CFAP157: variants seen among roughly 807,000 people sequenced by gnomAD.
CFAP157 encodes cilia- and flagella-associated protein 157.
CFAP157 carries 43 observed loss-of-function variants against 57.8 expected under a neutral mutation model. That is an observed-to-expected ratio of 0.74 (90% CI 0.58 to 0.96). The LOEUF is 0.96. Among genes scored for constraint, CFAP157 ranks in the 40% least tolerant of loss-of-function variants. CFAP157 has a pLI of 0.00. For missense variants in CFAP157, 606 were observed against 655.3 expected, an observed-to-expected ratio of 0.92 and a Z score of 0.82; for synonymous variants, 267 against 269.0, an observed-to-expected ratio of 0.99 and a Z score of 0.07.
intron 8 of CFAP157, chr9:127,713,468 A>C: frequency 2.7e-6 from 1 of 365,868 alleles, no homozygotes; most frequent in Non-Finnish European, 4.8e-6. Flanking sequence ...CCCCCTGAAG[A>C]GGCCTCAGCT....
Position 127,713,186 on chromosome 9 carries a change from C to T in CFAP157, c.1471C>T (p.Arg491Trp), listed in dbSNP as rs750433288. The change falls in exon 8 of 9, where the codon CGG becomes TGG. Residue 491 changes from arginine to tryptophan, a missense_variant. Physicochemically the swap from Arg to Trp is moderately radical, Grantham distance 101. Coordinates refer to ENST00000373295, the MANE Select transcript of CFAP157 (RefSeq NM_001012502.3). ...ATATATCACCCGTGTGGGGACCTTC[C>T]GGGCACACAGCAGCCCTGAGGTGAG... ...LSYITRVGTF[R>W]AHSSPEMRAP... 5.1e-6 allele frequency: 8 copies of T among 1,561,004 alleles called. No individual in the cohort carries two copies. The highest frequency in any genetic ancestry group is 2.7e-5 in the African/African-American group (2 of 73,376).
chr9:127,710,450 C>A (rs933893644), intron 2 of CFAP157, 151 bp from the exon 3 acceptor site: 35 of 847,662 alleles, frequency 4.1e-5, no homozygotes, highest in Non-Finnish European at 6.1e-5. Flanking sequence ...CAGGGCCAGG[C>A]AGGGTAGGTG....
At chr9:127,707,988 G>A (rs966015278) in intron 1 of CFAP157, among the ~76,000 whole-genome samples, 23 of 152,116 alleles carry the variant, frequency 1.5e-4, no homozygotes, top group African/African-American at 5.3e-4. Flanking sequence ...GAGAGGTCCT[G>A]ATGTCATCCC....
In CFAP157 at chr9:127,715,315, G is replaced by T; in HGVS notation, c.*1410G>T. On this transcript the variant is annotated 3_prime_UTR_variant, in exon 9 of 9. Transcript: ENST00000373295. This position sits in a 1 kb window ranked among gnomAD's most constrained non-coding sequence, Gnocchi z 5.8. ...AGAGCAACGCTGCAGTGGGGAAGGG[G>T]CGCGAAGAAGGGGCCCAGAAACCCG... is the stretch of plus-strand genomic sequence containing the variant. 2.3e-6 allele frequency: 3 copies of T among 1,311,844 alleles called. No individual in the cohort carries two copies. The highest frequency in any genetic ancestry group is 3.2e-6 in the Non-Finnish European group (3 of 942,236). 81.3% of individuals were successfully genotyped at this position (1,311,844 alleles called of 1,614,324 possible). A position where few individuals can be genotyped will look rare whatever the true frequency, so the allele number is the denominator to read the frequency against.
Position 127,709,476 on chromosome 9 carries a change from G to T in CFAP157, c.216G>T (p.Glu72Asp), listed in dbSNP as rs781705818. ...LAVQEKMFRQ[E>D]FEQLANNKKE... ...TGCAGGAGAAGATGTTCCGCCAGGA[G>T]TTTGAGCAGCTGGCCAATAACAAGA... The change falls in exon 2 of 9, where the codon GAG becomes GAT. Residue 72 changes from glutamate (E) to aspartate (D), a missense_variant. Coordinates refer to ENST00000373295, the MANE Select transcript of CFAP157 (RefSeq NM_001012502.3). The surrounding 1 kb of genome is among the most constrained non-coding windows in gnomAD (Gnocchi z 4.7). The T allele has an allele frequency of 1.2e-6, 2 of 1,614,064 alleles. No homozygotes were observed. Among genetic ancestry groups the T allele is most frequent in the Non-Finnish European group, 1.7e-6 (2 of 1,180,026 alleles).
rs1842960743 is a variant in CFAP157 at position 127,715,679 on chromosome 9, C to G, written c.*1774C>G. 1.3e-6 allele frequency: 2 copies of G among 1,594,376 alleles called. No individual in the cohort carries two copies. The highest frequency in any genetic ancestry group is 2.2e-5 in the South Asian group (2 of 89,546). Reference sequence around the variant, plus strand: ...CTCCGACACCGCCCCCTGACGTCATCACCCCGCAGCAGCCAATCGTGTTGC... The same window carrying G: ...CTCCGACACCGCCCCCTGACGTCATGACCCCGCAGCAGCCAATCGTGTTGC... On this transcript the variant is annotated 3_prime_UTR_variant, in exon 9 of 9. Coordinates refer to ENST00000373295, the MANE Select transcript of CFAP157 (RefSeq NM_001012502.3). The surrounding 1 kb of genome is among the most constrained non-coding windows in gnomAD (Gnocchi z 5.8).
chr9:127,714,053 T>A lies in CFAP157; in HGVS notation c.*148T>A. Reference sequence around the variant, plus strand: ...GGCGTGGCAGCTCTGTGGCAGTGGCTGGGTTGGTGGGCACTACAGTCAGGC... The same window carrying A: ...GGCGTGGCAGCTCTGTGGCAGTGGCAGGGTTGGTGGGCACTACAGTCAGGC... On this transcript the variant is annotated 3_prime_UTR_variant, in exon 9 of 9. Transcript: ENST00000373295. 2 of 1,598,896 alleles carry A rather than the reference T, an allele frequency of 1.3e-6. No homozygotes were observed. Among genetic ancestry groups the A allele is most frequent in the Non-Finnish European group, 1.7e-6 (2 of 1,170,352 alleles).
In CFAP157 at chr9:127,711,850, GAGC is replaced by G. The variant is rs1842772692; in HGVS notation, c.895_897del (p.Gln299del). Reference sequence around the variant, plus strand: ...CCTCATGCTGACTAAGAAGTGCCAGGAGCAGCAGCAGGACACCAAGGAGGCCGA... The same window carrying G: ...CCTCATGCTGACTAAGAAGTGCCAGGAGCAGCAGGACACCAAGGAGGCCGA... On this transcript the variant is annotated inframe_deletion, in exon 5 of 9. Transcript: ENST00000373295. The G allele has an allele frequency of 1.9e-6, 3 of 1,576,798 alleles. No homozygotes were observed. Among genetic ancestry groups the G allele is most frequent in the African/African-American group, 2.7e-5 (2 of 74,508 alleles).
chr9:127,710,674 G>A lies in CFAP157; in HGVS notation c.507G>A (p.Glu169=), dbSNP rs1245512900. ...EEVTDKFTLL[E]EQVRKQENEF... ...TCACGGACAAGTTCACATTGCTGGA[G>A]GAGCAGGTGCGGAAGCAGGAGAATG... The change falls in exon 3 of 9, where the codon GAG becomes GAA. Residue 169 remains glutamate, a synonymous_variant. Coordinates refer to ENST00000373295, the MANE Select transcript of CFAP157 (RefSeq NM_001012502.3). 4.4e-6 allele frequency: 7 copies of A among 1,582,778 alleles called. No homozygotes were observed. Among genetic ancestry groups the A allele is most frequent in the Middle Eastern group, 1.7e-4 (1 of 6,020 alleles).
At position 127,715,780 on chromosome 9, in the gene CFAP157, C is replaced by T; in HGVS notation, c.*1875C>T. ...CCGCCATGCTTCTGAGGGGCGGAAG[C>T]GGCGAGGCGGTGGCCGAGTCCGGGA... On this transcript the variant is annotated 3_prime_UTR_variant, in exon 9 of 9. Coordinates refer to ENST00000373295, the MANE Select transcript of CFAP157 (RefSeq NM_001012502.3). The surrounding 1 kb of genome is among the most constrained non-coding windows in gnomAD (Gnocchi z 5.8). 6.7e-7 allele frequency: 1 copy of T among 1,486,752 alleles called. No individual in the cohort carries two copies. The highest frequency in any genetic ancestry group is 8.9e-7 in the Non-Finnish European group (1 of 1,119,402). The allele number at this position is 1,486,752 out of a possible 1,614,324, so 92.1% of individuals were successfully genotyped here.
chr9:127,712,630 C>A (rs766823909), intron 6 of CFAP157, 79 bp from the exon 7 acceptor site: 2 of 1,610,626 alleles, frequency 1.2e-6, no homozygotes, highest in Non-Finnish European at 1.7e-6. Context: ...TGGAAATGGG[C>A]ACTGAGGTTG....
In CFAP157 at chr9:127,709,299, T is replaced by C; in HGVS notation, c.162-123T>C. 9.7e-7 allele frequency: 1 copy of C among 1,028,524 alleles called. No homozygotes were observed. Among genetic ancestry groups the C allele is most frequent in the Non-Finnish European group, 1.4e-6 (1 of 710,594 alleles). 63.7% of individuals were successfully genotyped at this position (1,028,524 alleles called of 1,614,324 possible). A position where few individuals can be genotyped will look rare whatever the true frequency, so the allele number is the denominator to read the frequency against. On this transcript the variant is annotated intron_variant, in intron 1 of 8. Transcript: ENST00000373295. This position sits in a 1 kb window ranked among gnomAD's most constrained non-coding sequence, Gnocchi z 4.7. ...CATAGTGGGAGATGAGGCTGGATTC[T>C]GATCACAAGGAAACTCAAATGCCCC...
chr9:127,712,112 G>C, intron 5 of CFAP157, 87 bp from the exon 6 acceptor site: 2 of 1,554,628 alleles, frequency 1.3e-6, no homozygotes, highest in Non-Finnish European at 1.7e-6. Flanking sequence ...CTGTGGGCTT[G>C]GAGAGAAATG....
rs1199343432 is a variant in CFAP157, at chr9:127,713,816, G to T, written c.1492-18G>T. ...GCCACTGCACCCGGCCTCCAAGCCA[G>T]CATCTTTAATCTTACAGATGCGTGC... On this transcript the variant is annotated intron_variant, in intron 8 of 8. Coordinates refer to ENST00000373295, the MANE Select transcript of CFAP157 (RefSeq NM_001012502.3). The T allele has an allele frequency of 1.9e-6, 3 of 1,612,414 alleles. No homozygotes were observed. Among genetic ancestry groups the T allele is most frequent in the East Asian group, 2.2e-5 (1 of 44,872 alleles).
At position 127,711,862 on chromosome 9, in the gene CFAP157, G is replaced by A; in HGVS notation, c.898G>A (p.Asp300Asn). 1 of 1,583,128 alleles carries A rather than the reference G, an allele frequency of 6.3e-7. No individual in the cohort carries two copies. Among genetic ancestry groups the A allele is most frequent in the Middle Eastern group, 1.7e-4 (1 of 6,020 alleles). The change falls in exon 5 of 9, where the codon GAC becomes AAC. Residue 300 changes from aspartate (D) to asparagine (N), a missense_variant. Transcript: ENST00000373295. Reference sequence around the variant, plus strand: ...TAAGAAGTGCCAGGAGCAGCAGCAGGACACCAAGGAGGCCGAGGAGCTGCG... The same window carrying A: ...TAAGAAGTGCCAGGAGCAGCAGCAGAACACCAAGGAGGCCGAGGAGCTGCG... ...LTKKCQEQQQ[D>N]TKEAEELRLL...
rs201849501 is a variant in CFAP157 at position 127,711,914 on chromosome 9, G to C, written c.950G>C (p.Arg317Thr). The C allele has an allele frequency of 2.3e-5, 37 of 1,604,982 alleles. No homozygotes were observed. In the African/African-American group the frequency reaches 3.6e-4, roughly 16 times the overall value. Reference sequence around the variant, plus strand: ...CTCCTGCTGAGCCAGTTGGAGCAGAGATCCCTGCAGCTGCAGGTGGATAAC... The same window carrying C: ...CTCCTGCTGAGCCAGTTGGAGCAGACATCCCTGCAGCTGCAGGTGGATAAC... ...LRLLLSQLEQ[R>T]SLQLQVDNQA... is the part of the protein sequence containing the mutation. Residue 317 changes from arginine to threonine, a missense_variant, in exon 5 of 9, where the codon AGA becomes ACA. Coordinates refer to ENST00000373295, the MANE Select transcript of CFAP157 (RefSeq NM_001012502.3).
rs1314498817 is a variant in CFAP157, at chr9:127,709,037, C to T, written c.162-385C>T. 6.6e-6 allele frequency among the ~76,000 whole-genome samples: 1 copy of T among 152,212 alleles called. No homozygotes were observed. The highest frequency in any genetic ancestry group is 1.5e-5 in the Non-Finnish European group (1 of 68,032). On this transcript the variant is annotated intron_variant, in intron 1 of 8. Transcript: ENST00000373295. The surrounding 1 kb of genome is among the most constrained non-coding windows in gnomAD (Gnocchi z 4.7). ...AGAGTTCCTTTATCCTTCTGAGCCT[C>T]AGTTTCCTCATCTGTCAAATAGGTA...
At chr9:127,712,550 C>A in intron 6 of CFAP157, 159 bp from the exon 7 acceptor site, 1 of 1,527,968 alleles carries the variant, frequency 6.5e-7, no homozygotes, top group Non-Finnish European at 8.8e-7. Flanking sequence ...CTCTGAGGCT[C>A]TGAAAGGTCT....
Position 127,715,422 on chromosome 9 carries a change from GCACTGAACTCAC to G in CFAP157, c.*1520_*1531del. 7.1e-7 allele frequency: 1 copy of G among 1,413,652 alleles called. No homozygotes were observed. Among genetic ancestry groups the G allele is most frequent in the Non-Finnish European group, 9.8e-7 (1 of 1,024,420 alleles). The allele number at this position is 1,413,652 out of a possible 1,614,324, so 87.6% of individuals were successfully genotyped here. On this transcript the variant is annotated 3_prime_UTR_variant, in exon 9 of 9. Transcript: ENST00000373295. This position sits in a 1 kb window ranked among gnomAD's most constrained non-coding sequence, Gnocchi z 5.8. ...CTTCAAGAAGTTTGGAGCCCGTCGA[GCACTGAACTCAC>G]CAGTTAAGAAAACAGAGCAGCAATT... is the stretch of plus-strand genomic sequence containing the variant.
Sources: gnomAD v4.1 joint callset for allele counts (sites outside exome capture counted in the v4.1 genomes callset) on GRCh38, gnomAD v4.1.1 for gene constraint, Gnocchi (gnomAD v3.1) non-coding constraint, MANE v1.5 for transcripts, NCBI Gene and HGNC (gene_info 2026-07-23, HGNC 2026-07-21) for gene names.